DLG2: variants seen among roughly 807,000 people sequenced by gnomAD.
DLG2 encodes the protein disks large homolog 2.
Under a neutral mutation model 132.5 loss-of-function variants are expected in DLG2, and 45 were observed. The observed-to-expected ratio is 0.34, with a 90% CI of 0.27 to 0.44. The LOEUF (loss-of-function observed/expected upper bound fraction) is 0.44, where lower values mean the gene tolerates loss of function less well. DLG2 is among the 20% of genes least tolerant of loss of function. DLG2 has a pLI of 1.00. For missense variants in DLG2, 1,045 were observed against 1,196.9 expected (o/e 0.87, Z 1.87); for synonymous variants, 424 against 419.6 (o/e 1.01, Z -0.13).
chr11:84,100,983 T>C (rs1566498897), intron 9 of DLG2, among the ~76,000 whole-genome samples: 1 of 152,184 alleles, frequency 6.6e-6, no homozygotes, highest in African/African-American at 2.4e-5. Context: ...CTTCTGATGT[T>C]TTCTCTAATT....
intron 6 of DLG2, among the ~76,000 whole-genome samples, chr11:85,104,986 A>G (rs1389156184): frequency 6.6e-6 from 1 of 151,444 alleles, no homozygotes; most frequent in African/African-American, 2.4e-5. Flanking sequence ...TAAGGAAAAT[A>G]TTAAAAATTA....
intron 6 of DLG2, among the ~76,000 whole-genome samples, chr11:84,611,020 G>GACACACACAC (rs1377191854): frequency 4.2e-5 from 3 of 71,936 alleles, no homozygotes; most frequent in African/African-American, 1.9e-4. Context: ...TCTGTTAGAT[G>GACACACACAC]ACATACACAC....
At chr11:84,558,587 C>G (rs1418165404) in intron 6 of DLG2, among the ~76,000 whole-genome samples, 1 of 152,188 alleles carries the variant, frequency 6.6e-6, no homozygotes, top group East Asian at 1.9e-4. Flanking sequence ...CCAAGACCCT[C>G]TACAAACTGC....
At chr11:85,565,318 T>G (rs2077472555) in intron 3 of DLG2, among the ~76,000 whole-genome samples, 1 of 152,122 alleles carries the variant, frequency 6.6e-6, no homozygotes, top group African/African-American at 2.4e-5. Context: ...GATGATTAAG[T>G]ATAAATGTAA....
intron 8 of DLG2, among the ~76,000 whole-genome samples, chr11:84,233,483 C>T (rs1172186410): frequency 6.6e-6 from 1 of 152,176 alleles, no homozygotes; most frequent in Non-Finnish European, 1.5e-5. Flanking sequence ...GGGGGCCAGG[C>T]ATGTCCAACA....
chr11:85,425,383 A>G (rs1208411396), intron 3 of DLG2, among the ~76,000 whole-genome samples: 1 of 152,176 alleles, frequency 6.6e-6, no homozygotes, highest in Non-Finnish European at 1.5e-5. Context: ...TATCGGTAAA[A>G]ATAACAAGGA....
At chr11:84,917,017 A>G (rs1027832144) in intron 6 of DLG2, among the ~76,000 whole-genome samples, 4 of 152,166 alleles carry the variant, frequency 2.6e-5, no homozygotes, top group African/African-American at 4.8e-5. Flanking sequence ...CACACTTCCA[A>G]TATCCTTCCA....
At chr11:84,102,119 G>T (rs2092578557) in intron 9 of DLG2, among the ~76,000 whole-genome samples, 3 of 152,106 alleles carry the variant, frequency 2.0e-5, no homozygotes, top group Admixed American at 1.3e-4. Flanking sequence ...CTCAGACGGT[G>T]TCTGCTCAAA....
intron 6 of DLG2, among the ~76,000 whole-genome samples, chr11:84,958,652 CAG>C (rs2052051444): frequency 6.6e-6 from 1 of 152,100 alleles, no homozygotes; most frequent in African/African-American, 2.4e-5. Flanking sequence ...AATAAAACAC[CAG>C]AGTCATATGA....
chr11:83,875,345 T>C lies in DLG2; in HGVS notation c.1497-857A>G, dbSNP rs916119656. 3.3e-5 allele frequency among the ~76,000 whole-genome samples: 5 copies of C among 152,188 alleles called. No homozygotes were observed. In the South Asian group the frequency reaches 1.0e-3, roughly 31 times the overall value. On this transcript the variant is annotated intron_variant, in intron 15 of 27. Transcript: ENST00000376104. The stretch of plus-strand genomic sequence containing the variant: ...AGTGTTTTTAAATTTTTATGTCTCT[T>C]ATTTCTCATAAATGTATGAGGTATG...
chr11:84,093,250 C>T (rs2097122168), intron 10 of DLG2, among the ~76,000 whole-genome samples: 1 of 152,144 alleles, frequency 6.6e-6, no homozygotes, highest in South Asian at 2.1e-4. Context: ...TTCTTCCGAG[C>T]TCATGTGGTT....
At chr11:85,130,355 T>C (rs1447504668) in intron 5 of DLG2, among the ~76,000 whole-genome samples, 3 of 152,126 alleles carry the variant, frequency 2.0e-5, no homozygotes, top group Admixed American at 2.0e-4. Context: ...GGAATTTATC[T>C]CTATAGTATG....
chr11:84,835,094 A>G (rs2079568183), intron 6 of DLG2, among the ~76,000 whole-genome samples: 1 of 151,664 alleles, frequency 6.6e-6, no homozygotes, highest in African/African-American at 2.4e-5. Context: ...ATTTAAAAGC[A>G]AAAACAGAAA....
chr11:84,365,112 G>A lies in DLG2; in HGVS notation c.520-113821C>T, dbSNP rs569209770. 6.6e-5 allele frequency among the ~76,000 whole-genome samples: 10 copies of A among 152,202 alleles called. No individual in the cohort carries two copies. The South Asian group carries it at 1.9e-3, about 28-fold the overall frequency. ...GTACCAGTTTCTCCTTGTACCTCTG[G>A]TAGAATTCGGCTGTGAATCCATCTG... On this transcript the variant is annotated intron_variant, in intron 7 of 27. Transcript: ENST00000376104.
chr11:84,176,596 A>G (rs2095975571), intron 8 of DLG2, among the ~76,000 whole-genome samples: 1 of 151,998 alleles, frequency 6.6e-6, no homozygotes, highest in Non-Finnish European at 1.5e-5. Context: ...GTTTCTACAT[A>G]TCTATTAGTG....
In DLG2 at chr11:84,352,335, T is replaced by C. The variant is rs371171545; in HGVS notation, c.520-101044A>G. On this transcript the variant is annotated intron_variant, in intron 7 of 27. Transcript: ENST00000376104. The stretch of plus-strand genomic sequence containing the variant: ...GGGTAATAATACACACACCACAAGG[T>C]TGCTGTGGAGATTAAATGAGGTATT... Among the ~76,000 whole-genome samples the C allele has an allele frequency of 3.3e-5, 5 of 152,230 alleles. No individual in the cohort carries two copies. In the East Asian group the frequency reaches 5.8e-4, roughly 18 times the overall value.
intron 6 of DLG2, among the ~76,000 whole-genome samples, chr11:84,648,209 T>C (rs2154546105): frequency 6.6e-6 from 1 of 152,286 alleles, no homozygotes; most frequent in Non-Finnish European, 1.5e-5. Flanking sequence ...TGCGTATTAA[T>C]ACTAAAAAGG....
intron 3 of DLG2, among the ~76,000 whole-genome samples, chr11:85,308,444 C>T (rs2080105699): frequency 6.6e-6 from 1 of 152,114 alleles, no homozygotes; most frequent in South Asian, 2.1e-4. Context: ...ATGTGAGGCT[C>T]TGGCAGAAAA....
intron 7 of DLG2, among the ~76,000 whole-genome samples, chr11:84,341,860 A>G (rs554088248): frequency 2.6e-5 from 4 of 151,524 alleles, no homozygotes; most frequent in African/African-American, 9.7e-5. Context: ...GTGTAGATGC[A>G]CTATAACAAA....
Sources: allele counts gnomAD v4.1 joint callset (sites outside exome capture counted in the v4.1 genomes callset), GRCh38; gene constraint gnomAD v4.1.1; transcripts MANE v1.5; gene names NCBI Gene and HGNC (gene_info 2026-07-23, HGNC 2026-07-21).